LMO7: variants seen among roughly 807,000 people sequenced by gnomAD.
LMO7 encodes the protein LIM domain 7, also known as LIM domain only protein 7.
Under a neutral mutation model 206.5 loss-of-function variants are expected in LMO7, and 120 were observed. The ratio of observed to expected loss-of-function variants is 0.58; its 90% CI spans 0.50 to 0.68. The LOEUF (loss-of-function observed/expected upper bound fraction) is 0.68, where lower values mean the gene tolerates loss of function less well. Ranked by LOEUF, LMO7 falls within the 30% of genes least tolerant of loss-of-function variation. The probability of loss-of-function intolerance (pLI) is 0.00; values close to 1 mark genes in which losing one functional copy is unlikely to be tolerated. For missense variants in LMO7, 1,959 were observed against 1,957.9 expected (o/e 1.00, Z -0.01); for synonymous variants, 706 against 681.5 (o/e 1.04, Z -0.56).
At chr13:75,739,956 G>A (rs1409202961) in intron 3 of LMO7, among the ~76,000 whole-genome samples, 1 of 151,934 alleles carries the variant, frequency 6.6e-6, no homozygotes, top group African/African-American at 2.4e-5. Flanking sequence ...TACTTTTTTG[G>A]GGAAAAAGCC....
At chr13:75,815,667 T>A (rs1402630411) in intron 11 of LMO7, among the ~76,000 whole-genome samples, 1 of 152,176 alleles carries the variant, frequency 6.6e-6, no homozygotes, top group Non-Finnish European at 1.5e-5. Flanking sequence ...TTAGGAAAGA[T>A]GTTTGTTGAA....
In LMO7 at chr13:75,836,448, G is replaced by GA. The variant is rs2059131229; in HGVS notation, c.3387dup (p.Ser1130IlefsTer5). 2 of 1,485,826 alleles carry GA rather than the reference G, an allele frequency of 1.3e-6. No homozygotes were observed. Among genetic ancestry groups the GA allele is most frequent in the African/African-American group, 1.4e-5 (1 of 71,300 alleles). The allele number at this position is 1,485,826 out of a possible 1,614,324, so 92.0% of individuals were successfully genotyped here. ...AATTCATGATGAAAGCAATGCTTTTGAATCAAAAGGTAAATATCACCTTTA... is the reference window on the plus strand; with the variant it reads ...AATTCATGATGAAAGCAATGCTTTTGAAATCAAAAGGTAAATATCACCTTTA... On this transcript the variant is annotated frameshift_variant, in exon 19 of 31. Coordinates refer to ENST00000377534, the MANE Select transcript of LMO7 (RefSeq NM_001306080.2). LOFTEE classifies it high-confidence loss of function.
At chr13:75,699,549 A>G (rs966252251) in intron 1 of LMO7, among the ~76,000 whole-genome samples, 2 of 152,114 alleles carry the variant, frequency 1.3e-5, no homozygotes, top group Non-Finnish European at 2.9e-5. Flanking sequence ...GTGACATCAC[A>G]TGTTGACAGG....
chr13:75,727,125 A>C, intron 3 of LMO7, 27 bp downstream of exon 3: 2 of 1,391,596 alleles, frequency 1.4e-6, no homozygotes, highest in Non-Finnish European at 2.0e-6. Flanking sequence ...CTTCACAACT[A>C]AATTTATTTG....
chr13:75,766,237 C>CTTTTTTTTTTTTTTTTTTTTT, intron 4 of LMO7, among the ~76,000 whole-genome samples: 1 of 126,096 alleles, frequency 7.9e-6, no homozygotes, highest in Non-Finnish European at 1.7e-5. Context: ...TTCCCTCAGT[C>CTTTTTTTTTTTTTTTTTTTTT]TTTTTTTTTT....
intron 4 of LMO7, among the ~76,000 whole-genome samples, chr13:75,772,487 T>G (rs7320900): frequency 0.39 from 59,539 of 151,864 alleles, 12,221 homozygotes; most frequent in East Asian, 0.61. Flanking sequence ...TTACAACCAC[T>G]TTATAAGATA....
rs752524119 is a variant in LMO7, at chr13:75,821,540, A to C, written c.2571A>C (p.Thr857=). ...GGAAAACTGATACAGTCAGGTTAAC[A>C]TCTGTGGTCACACCAAGACCCTTTG... is the stretch of plus-strand genomic sequence containing the variant. ...SYRKTDTVRL[T]SVVTPRPFGS... is the part of the protein sequence containing the mutation. The change falls in exon 14 of 31, where the codon ACA becomes ACC. Residue 857 remains threonine, a synonymous_variant. Transcript: ENST00000377534. 1 of 1,614,060 alleles carries C rather than the reference A, an allele frequency of 6.2e-7. No individual in the cohort carries two copies. The highest frequency in any genetic ancestry group is 8.5e-7 in the Non-Finnish European group (1 of 1,179,922).
At chr13:75,832,106 A>G (rs2058718812) in intron 15 of LMO7, among the ~76,000 whole-genome samples, 1 of 152,168 alleles carries the variant, frequency 6.6e-6, no homozygotes, top group African/African-American at 2.4e-5. Flanking sequence ...TGATTAGGAA[A>G]CAGAGCTGAA....
intron 1 of LMO7, among the ~76,000 whole-genome samples, chr13:75,680,674 A>G (rs969608733): frequency 6.6e-6 from 1 of 151,636 alleles, no homozygotes; most frequent in Non-Finnish European, 1.5e-5. Flanking sequence ...GCACCCATCA[A>G]CCCGTCACCT....
At chr13:75,849,336 G>A (rs1467165293) in intron 27 of LMO7, 44 bp downstream of exon 27, 1 of 1,443,454 alleles carries the variant, frequency 6.9e-7, no homozygotes, top group Admixed American at 1.7e-5. Context: ...TTACTGTGAG[G>A]CAGATATTTA....
chr13:75,778,729 C>CT (rs1195436332), intron 4 of LMO7, among the ~76,000 whole-genome samples: 13 of 152,156 alleles, frequency 8.5e-5, no homozygotes. Context: ...TTCAACTGAA[C>CT]TTTTTTTCAG....
chr13:75,790,709 C>T (rs1413949208), intron 4 of LMO7, among the ~76,000 whole-genome samples: 2 of 152,112 alleles, frequency 1.3e-5, no homozygotes, highest in East Asian at 3.9e-4. Context: ...TGCATGAGTC[C>T]ACTTGAGAGC....
At position 75,623,280 on chromosome 13, in the gene LMO7, T is replaced by A; in HGVS notation, c.185T>A (p.Leu62Ter). 7.0e-7 allele frequency: 1 copy of A among 1,434,744 alleles called. No individual in the cohort carries two copies. The highest frequency in any genetic ancestry group is 1.2e-5 in the South Asian group (1 of 86,412). 88.9% of individuals were successfully genotyped at this position (1,434,744 alleles called of 1,614,324 possible). A position where few individuals can be genotyped will look rare whatever the true frequency, so the allele number is the denominator to read the frequency against. ...ATGACTTTTTACACAGATATAATTT[T>A]GAGGACTGAACAAAATTCAGGAAGG... Residue 62 changes from leucine to a stop codon, truncating the protein, a stop_gained, in exon 2 of 30, where the codon TTG becomes TAG. Coordinates refer to the LMO7 transcript ENST00000341547. LOFTEE classifies it high-confidence loss of function.
At chr13:75,677,967 T>A (rs934131235) in intron 1 of LMO7, among the ~76,000 whole-genome samples, 1 of 152,154 alleles carries the variant, frequency 6.6e-6, no homozygotes, top group Non-Finnish European at 1.5e-5. Flanking sequence ...ACAAATGACA[T>A]GAACTCATCA....
intron 1 of LMO7, among the ~76,000 whole-genome samples, chr13:75,700,067 G>T (rs547674528): frequency 6.6e-6 from 1 of 152,066 alleles, no homozygotes; most frequent in Non-Finnish European, 1.5e-5. Context: ...TGTTCTGCCC[G>T]GCCCTGCAGG....
At chr13:75,745,677 A>G (rs563878316) in intron 3 of LMO7, among the ~76,000 whole-genome samples, 1 of 152,286 alleles carries the variant, frequency 6.6e-6, no homozygotes, top group South Asian at 2.1e-4. Context: ...TGCTCTCCCT[A>G]CTGTGAATGG....
At chr13:75,642,307 A>G (rs1252631775) in intron 1 of LMO7, among the ~76,000 whole-genome samples, 6 of 152,154 alleles carry the variant, frequency 3.9e-5, no homozygotes, top group Non-Finnish European at 8.8e-5. Context: ...TTGTACCTTT[A>G]GTAAAACAGG....
chr13:75,841,407 C>A (rs1027382277), intron 23 of LMO7, among the ~76,000 whole-genome samples: 1 of 152,304 alleles, frequency 6.6e-6, no homozygotes, highest in East Asian at 1.9e-4. Flanking sequence ...ACATCATTAA[C>A]AAATTATGTT....
At chr13:75,714,793 C>T (rs957696962) in intron 2 of LMO7, among the ~76,000 whole-genome samples, 1 of 151,964 alleles carries the variant, frequency 6.6e-6, no homozygotes, top group Non-Finnish European at 1.5e-5. Context: ...TTTAAATGTA[C>T]TCTAGTAATG....
Sources: allele counts gnomAD v4.1 joint callset (sites outside exome capture counted in the v4.1 genomes callset), GRCh38; gene constraint gnomAD v4.1.1; transcripts MANE v1.5; gene names NCBI Gene and HGNC (gene_info 2026-07-23, HGNC 2026-07-21).